The following BLNK variants were observed in gnomAD, a reference collection of about 807,000 sequenced individuals.
The protein encoded by BLNK is B cell linker.
BLNK carries 29 observed loss-of-function variants against 73.5 expected under a neutral mutation model. The observed-to-expected ratio is 0.39, with a 90% CI of 0.29 to 0.54. The LOEUF (loss-of-function observed/expected upper bound fraction) is 0.54, where lower values mean the gene tolerates loss of function less well. Ranked by LOEUF, BLNK falls within the 20% of genes least tolerant of loss-of-function variation. The pLI is 0.61. For missense variants in BLNK, 460 were observed against 562.8 expected (o/e 0.82, Z 1.85); for synonymous variants, 176 against 200.8 (o/e 0.88, Z 1.04).
chr10:96,202,461 G>A (rs1554896455), intron 13 of BLNK, among the ~76,000 whole-genome samples: 3 of 152,180 alleles, frequency 2.0e-5, no homozygotes, highest in African/African-American at 7.2e-5. Flanking sequence ...CAAGTGAGAA[G>A]TCAAGGGTGA....
chr10:96,209,713 C>T (rs1554898260), intron 9 of BLNK, 125 bp downstream of exon 9: 5 of 1,195,634 alleles, frequency 4.2e-6, no homozygotes, highest in East Asian at 2.3e-5. Flanking sequence ...TAGCAGGGCT[C>T]CTTACTCTTG....
intron 4 of BLNK, 75 bp downstream of exon 4, chr10:96,230,719 A>G: frequency 6.6e-7 from 1 of 1,504,292 alleles, no homozygotes; most frequent in South Asian, 1.2e-5. Flanking sequence ...ACCAGCATGT[A>G]ATTCAGAAAT....
At chr10:96,237,176 C>T (rs1554905243) in intron 3 of BLNK, among the ~76,000 whole-genome samples, 1 of 152,192 alleles carries the variant, frequency 6.6e-6, no homozygotes, top group African/African-American at 2.4e-5. Context: ...GGAATATGGA[C>T]AGGGAGACAG....
At chr10:96,204,477 T>G in intron 12 of BLNK, 55 bp downstream of exon 12, 1 of 1,558,742 alleles carries the variant, frequency 6.4e-7, no homozygotes, top group Non-Finnish European at 8.9e-7. Context: ...ACAATGCACA[T>G]GTTAATTCCT....
intron 4 of BLNK, among the ~76,000 whole-genome samples, chr10:96,229,166 A>AG (rs1842396793): frequency 6.6e-6 from 1 of 152,152 alleles, no homozygotes; most frequent in Non-Finnish European, 1.5e-5. Context: ...GTCAAACACT[A>AG]GGTCTTATTC....
intron 1 of BLNK, among the ~76,000 whole-genome samples, chr10:96,260,577 A>G (rs904389190): frequency 1.3e-5 from 2 of 152,236 alleles, no homozygotes; most frequent in African/African-American, 4.8e-5. Flanking sequence ...ATATATATAT[A>G]GTATTGTCAT....
chr10:96,251,231 A>T (rs1212221107), intron 1 of BLNK, among the ~76,000 whole-genome samples: 1 of 152,226 alleles, frequency 6.6e-6, no homozygotes, highest in Non-Finnish European at 1.5e-5. Context: ...TAGTGACCCA[A>T]AACCAAGATT....
chr10:96,260,028 G>A (rs1239350003), intron 1 of BLNK, among the ~76,000 whole-genome samples: 1 of 152,192 alleles, frequency 6.6e-6, no homozygotes, highest in Non-Finnish European at 1.5e-5. Context: ...TTAGGGGCCA[G>A]TGGTCCTTGG....
At chr10:96,269,209 A>G (rs938424074) in intron 1 of BLNK, among the ~76,000 whole-genome samples, 1 of 152,190 alleles carries the variant, frequency 6.6e-6, no homozygotes, top group African/African-American at 2.4e-5. Flanking sequence ...AGTGTAGTGT[A>G]TGATTATCCA....
At chr10:96,234,923 C>T (rs782197184) in intron 3 of BLNK, among the ~76,000 whole-genome samples, 12 of 152,190 alleles carry the variant, frequency 7.9e-5, no homozygotes, top group Non-Finnish European at 1.3e-4. Context: ...AGATCCTGGG[C>T]GGGCCCTCTT....
intron 9 of BLNK, 152 bp downstream of exon 9, chr10:96,209,686 C>A: frequency 3.1e-6 from 3 of 970,490 alleles, no homozygotes; most frequent in Admixed American, 1.7e-5. Context: ...AGCCACCATG[C>A]CTGGCTCATT....
Position 96,271,374 on chromosome 10 carries a change from C to T in BLNK, c.25G>A (p.Val9Ile), listed in dbSNP as rs200630912. Residue 9 changes from valine to isoleucine, a missense_variant, in exon 1 of 17, where the codon GTC (valine) becomes ATC (isoleucine). Transcript: ENST00000224337. ...TACCTCAACTTCTGACTGGCGGGGA[C>T]GGTTATTTTATTAAGCTTGTCCATT... MDKLNKIT[V>I]PASQKLRQLQ... The T allele has an allele frequency of 2.4e-5, 38 of 1,613,964 alleles. No individual in the cohort carries two copies. The highest frequency in any genetic ancestry group is 1.8e-4 in the Admixed American group (11 of 59,998).
chr10:96,239,170 G>GGGT, intron 3 of BLNK: 3 of 398,522 alleles, frequency 7.5e-6, no homozygotes, highest in Non-Finnish European at 1.3e-5. Flanking sequence ...GGTGTCTGAG[G>GGGT]ACAAAAAAGA....
At chr10:96,263,494 G>T (rs1369783025) in intron 1 of BLNK, among the ~76,000 whole-genome samples, 2 of 152,230 alleles carry the variant, frequency 1.3e-5, no homozygotes, top group African/African-American at 4.8e-5. Context: ...CATTGAAATA[G>T]CCATGCTGGG....
intron 3 of BLNK, among the ~76,000 whole-genome samples, chr10:96,236,993 C>G (rs1842713649): frequency 6.6e-6 from 1 of 152,204 alleles, no homozygotes; most frequent in African/African-American, 2.4e-5. Context: ...CTTTGCCTCT[C>G]TGGTCTCCAG....
Position 96,192,019 on chromosome 10 carries a change from T to A in BLNK, c.1325A>T (p.Asn442Ile). 3 of 1,613,838 alleles carry A rather than the reference T, an allele frequency of 1.9e-6. No homozygotes were observed. Among genetic ancestry groups the A allele is most frequent in the Non-Finnish European group, 2.5e-6 (3 of 1,179,802 alleles). Residue 442 changes from asparagine (N) to isoleucine (I), a missense_variant, in exon 17 of 17, where the codon AAC becomes ATC. Around this residue, in one of 3 missense-constraint regions of BLNK, gnomAD observed 88 missense variants for 143.4 expected, o/e 0.61. Coordinates refer to ENST00000224337, the MANE Select transcript of BLNK (RefSeq NM_013314.4). ...CTTCAGTCTGGTGGAATCTTTTGTG[T>A]TATTCTGACTGTCAATAAGAACCAA... Reference protein sequence around the residue: ...SPLVLIDSQNNTKDSTRLKYA... With the variant: ...SPLVLIDSQNITKDSTRLKYA...
intron 6 of BLNK, among the ~76,000 whole-genome samples, chr10:96,223,417 C>T (rs2084246128): frequency 6.6e-6 from 1 of 152,182 alleles, no homozygotes; most frequent in African/African-American, 2.4e-5. Flanking sequence ...TTGCCTTGGT[C>T]TCTCCTTCTG....
intron 13 of BLNK, among the ~76,000 whole-genome samples, chr10:96,203,031 A>C (rs2083688348): frequency 6.6e-6 from 1 of 152,136 alleles, no homozygotes; most frequent in African/African-American, 2.4e-5. Flanking sequence ...CATTTACCTG[A>C]TATGATATTA....
intron 2 of BLNK, among the ~76,000 whole-genome samples, chr10:96,245,066 C>A (rs1313659305): frequency 1.3e-5 from 2 of 151,860 alleles, no homozygotes; most frequent in Admixed American, 6.6e-5. Flanking sequence ...TCATCACACA[C>A]CTCTCCCACT....
Sources: gnomAD v4.1 joint callset for allele counts (sites outside exome capture counted in the v4.1 genomes callset) on GRCh38, gnomAD v4.1.1 for gene constraint, gnomAD v4.1.1 regional missense constraint, MANE v1.5 for transcripts, NCBI Gene and HGNC (gene_info 2026-07-23, HGNC 2026-07-21) for gene names.